CA13: variants seen among roughly 807,000 people sequenced by gnomAD.
CA13 encodes carbonic anhydrase 13.
Under a neutral mutation model 31.5 loss-of-function variants are expected in CA13, and 21 were observed. The observed-to-expected ratio is 0.67, with a 90% CI of 0.47 to 0.96. CA13 has a LOEUF of 0.96. Among genes scored for constraint, CA13 ranks in the 40% least tolerant of loss-of-function variants. The pLI is 0.00. For missense variants in CA13, 315 were observed against 318.9 expected (o/e 0.99, Z 0.09); for synonymous variants, 117 against 111.4 (o/e 1.05, Z -0.32).
At chr8:85,267,817 A>G in intron 4 of CA13, 85 bp from the exon 5 acceptor site, 1 of 796,556 alleles carries the variant, frequency 1.3e-6, no homozygotes. Flanking sequence ...TTTTTAAAAA[A>G]TAATTTTTAA....
At chr8:85,273,511 A>G (rs1383824890) in intron 6 of CA13, among the ~76,000 whole-genome samples, 2 of 152,140 alleles carry the variant, frequency 1.3e-5, no homozygotes, top group Non-Finnish European at 2.9e-5. Flanking sequence ...AAGGGAATGA[A>G]TAACTTTTCC....
In CA13 at chr8:85,259,433, G is replaced by T. The variant is rs996710841; in HGVS notation, c.248G>T (p.Gly83Val). The T allele has an allele frequency of 6.8e-6, 11 of 1,613,804 alleles. No individual in the cohort carries two copies. Among genetic ancestry groups the T allele is most frequent in the East Asian group, 2.2e-5 (1 of 44,882 alleles). Residue 83 changes from glycine (G) to valine (V), a missense_variant, in exon 3 of 7, where the codon GGT (glycine) becomes GTT (valine). Transcript: ENST00000321764. ...TGTTGTTGTTTAGTTCTGCGTGGTG[G>T]TCCTCTCACTGGAAGCTACAGGTTA... ...DTENKSVLRG[G>V]PLTGSYRLRQ... is the part of the protein sequence containing the mutation.
intron 6 of CA13, among the ~76,000 whole-genome samples, chr8:85,278,265 C>CAA (rs1012685036): frequency 0.032 from 2,446 of 75,918 alleles, 114 homozygotes; most frequent in African/African-American, 0.072. Flanking sequence ...GACTCTATCT[C>CAA]AAAAAAAAAA....
intron 5 of CA13, 48 bp from the exon 6 acceptor site, chr8:85,268,424 G>T: frequency 3.8e-6 from 6 of 1,577,212 alleles, no homozygotes; most frequent in Non-Finnish European, 5.2e-6. Context: ...TGAGGTCTAT[G>T]TAGAGCTATC....
chr8:85,280,967 A>C (rs1226385090), intron 6 of CA13, among the ~76,000 whole-genome samples: 1 of 152,164 alleles, frequency 6.6e-6, no homozygotes, highest in Non-Finnish European at 1.5e-5. Flanking sequence ...TACTCTTTAA[A>C]CCACACTCTA....
intron 1 of CA13, among the ~76,000 whole-genome samples, chr8:85,248,605 G>A (rs979412579): frequency 7.9e-5 from 12 of 152,026 alleles, no homozygotes; most frequent in Admixed American, 6.6e-4. Context: ...AGGAGGAGAG[G>A]AGGAAATTTT....
At position 85,250,870 on chromosome 8, in the gene CA13, A is replaced by G. The variant is rs1212673797; in HGVS notation, c.168A>G (p.Ser56=). ...TTAGTATCAAGTATGACCCAAGCTC[A>G]GCTAAAATCATCAGCAACAGCGGCC... ...RPLSIKYDPS[S]AKIISNSGHS... The change falls in exon 2 of 7, where the codon TCA becomes TCG. Residue 56 remains serine (S), a synonymous_variant. Transcript: ENST00000321764. The G allele has an allele frequency of 5.6e-6, 9 of 1,614,046 alleles. No homozygotes were observed. Among genetic ancestry groups the G allele is most frequent in the Non-Finnish European group, 6.8e-6 (8 of 1,180,036 alleles).
At chr8:85,263,630 G>A (rs925015276) in intron 3 of CA13, among the ~76,000 whole-genome samples, 6 of 152,302 alleles carry the variant, frequency 3.9e-5, no homozygotes, top group Admixed American at 6.5e-5. Flanking sequence ...AGGTTTCGAT[G>A]TAAGCATATT....
In CA13 at chr8:85,281,458, G is replaced by A. The variant is rs1019847462; in HGVS notation, c.*109G>A. 6.7e-7 allele frequency: 1 copy of A among 1,486,202 alleles called. No homozygotes were observed. The allele number at this position is 1,486,202 out of a possible 1,614,324, so 92.1% of individuals were successfully genotyped here. ...TCTTTTGTGGAATTCTAATTTATAG[G>A]AAACATTTTAGTATGAGCTTCAGTG... On this transcript the variant is annotated 3_prime_UTR_variant, in exon 7 of 7. Coordinates refer to ENST00000321764, the MANE Select transcript of CA13 (RefSeq NM_198584.3).
At chr8:85,247,381 C>G (rs1813750622) in intron 1 of CA13, among the ~76,000 whole-genome samples, 1 of 152,122 alleles carries the variant, frequency 6.6e-6, no homozygotes, top group Non-Finnish European at 1.5e-5. Flanking sequence ...TTCATCTTAG[C>G]AAAGCCATTA....
chr8:85,276,153 C>T (rs936617496), intron 6 of CA13, among the ~76,000 whole-genome samples: 3 of 152,104 alleles, frequency 2.0e-5, no homozygotes, highest in South Asian at 2.1e-4. Context: ...GTCCCGCACT[C>T]GGAGCGGCGG....
intron 6 of CA13, among the ~76,000 whole-genome samples, chr8:85,277,495 C>T (rs930550886): frequency 2.6e-5 from 4 of 152,098 alleles, no homozygotes; most frequent in Middle Eastern, 3.2e-3. Context: ...TAACACTCAC[C>T]GCGAGGGTCC....
At chr8:85,275,177 T>C (rs1372724202) in intron 6 of CA13, among the ~76,000 whole-genome samples, 1 of 152,124 alleles carries the variant, frequency 6.6e-6, no homozygotes, top group African/African-American at 2.4e-5. Flanking sequence ...GTAGCTTAAG[T>C]TAGAAGGAGA....
intron 5 of CA13, 117 bp downstream of exon 5, chr8:85,268,081 G>GA: frequency 1.6e-6 from 1 of 631,546 alleles, no homozygotes; most frequent in Non-Finnish European, 2.7e-6. Flanking sequence ...CATACTTGAT[G>GA]AAAAAAAGCA....
At chr8:85,251,991 C>T (rs559372095) in intron 2 of CA13, among the ~76,000 whole-genome samples, 2 of 152,278 alleles carry the variant, frequency 1.3e-5, no homozygotes, top group South Asian at 4.1e-4. Flanking sequence ...GGTGTGGTGG[C>T]TCACATGTAT....
intron 6 of CA13, 142 bp from the exon 7 acceptor site, chr8:85,281,088 T>A (rs746751095): frequency 8.1e-6 from 8 of 984,584 alleles, no homozygotes; most frequent in Admixed American, 4.8e-5. Context: ...AAGAGTTGCT[T>A]TATTATATAT....
chr8:85,252,667 A>T (rs1301326576), intron 2 of CA13, among the ~76,000 whole-genome samples: 2 of 152,200 alleles, frequency 1.3e-5, no homozygotes, highest in Non-Finnish European at 2.9e-5. Context: ...TATTAGAGAG[A>T]ATCATATTTG....
chr8:85,258,830 G>A (rs940142375), intron 2 of CA13, among the ~76,000 whole-genome samples: 11 of 147,196 alleles, frequency 7.5e-5, no homozygotes, highest in African/African-American at 2.0e-4. Context: ...CTAGCTACTT[G>A]GGAGGCTAAA....
chr8:85,249,746 A>C (rs1813792678), intron 1 of CA13: 1 of 359,606 alleles, frequency 2.8e-6, no homozygotes. Flanking sequence ...TAGCTGTATA[A>C]ATTTCAGGAA....
Sources: allele counts gnomAD v4.1 joint callset (sites outside exome capture counted in the v4.1 genomes callset), GRCh38; gene constraint gnomAD v4.1.1; transcripts MANE v1.5; gene names NCBI Gene and HGNC (gene_info 2026-07-23, HGNC 2026-07-21).